The following RIMS2 variants were observed in gnomAD, a reference collection of about 807,000 sequenced individuals.
RIMS2 encodes the protein regulating synaptic membrane exocytosis 2.
Under a neutral mutation model 174.4 loss-of-function variants are expected in RIMS2, and 59 were observed. The ratio of observed to expected loss-of-function variants is 0.34; its 90% CI spans 0.27 to 0.42. RIMS2 has a LOEUF of 0.42. Among genes scored for constraint, RIMS2 ranks in the 10% least tolerant of loss-of-function variants. The probability of loss-of-function intolerance (pLI) is 1.00; values close to 1 mark genes in which losing one functional copy is unlikely to be tolerated. For synonymous variants in RIMS2, 606 were observed against 572.5 expected (o/e 1.06, Z -0.84); for missense variants, 1,620 against 1,666.3 (o/e 0.97, Z 0.48).
chr8:104,250,897 G>C, intron 22 of RIMS2, 127 bp from the exon 29 acceptor site: 1 of 771,318 alleles, frequency 1.3e-6, no homozygotes, highest in South Asian at 1.7e-5. Context: ...ACAGAATGCA[G>C]CTAGGCCAGT....
At chr8:103,854,169 T>A (rs1161177569) in intron 3 of RIMS2, among the ~76,000 whole-genome samples, 1 of 152,146 alleles carries the variant, frequency 6.6e-6, no homozygotes, top group Non-Finnish European at 1.5e-5. Context: ...GTTCTTGATT[T>A]GGCACTCAGC....
At chr8:103,578,189 G>C (rs1305752250) in intron 1 of RIMS2, among the ~76,000 whole-genome samples, 3 of 152,102 alleles carry the variant, frequency 2.0e-5, no homozygotes, top group Non-Finnish European at 4.4e-5. Flanking sequence ...AATTCTCAAA[G>C]GTCAAGGACA....
At position 104,047,741 on chromosome 8, in the gene RIMS2, C is replaced by T. The variant is rs143907773; in HGVS notation, c.3334+33126C>T. On this transcript the variant is annotated intron_variant, in intron 19 of 23. Coordinates refer to ENST00000504942, the Ensembl canonical transcript of RIMS2. ...TCTAGAATTAATTCTTTGTTATATG[C>T]ATTACAAATATACTAGTTTGTGACT... Among the ~76,000 whole-genome samples, 363 of 152,116 alleles carry T rather than the reference C, an allele frequency of 2.4e-3. 1 individual carries two copies. Among genetic ancestry groups the T allele is most frequent in the African/African-American group, 7.8e-3 (324 of 41,520 alleles).
intron 4 of RIMS2, among the ~76,000 whole-genome samples, chr8:103,898,434 C>G (rs1434019807): frequency 6.6e-6 from 1 of 151,652 alleles, no homozygotes; most frequent in Non-Finnish European, 1.5e-5. Flanking sequence ...GTCTGCATAT[C>G]ATGTACTTGG....
intron 17 of RIMS2, among the ~76,000 whole-genome samples, chr8:104,004,957 G>A (rs571316149): frequency 4.6e-5 from 7 of 152,284 alleles, no homozygotes; most frequent in South Asian, 2.1e-4. Context: ...GAATCTGAGC[G>A]CTGTATGGGA....
At chr8:103,868,029 T>C (rs1420192636) in intron 3 of RIMS2, among the ~76,000 whole-genome samples, 1 of 152,098 alleles carries the variant, frequency 6.6e-6, no homozygotes, top group African/African-American at 2.4e-5. Context: ...TTTGGCTTCA[T>C]TTGTTTATTC....
intron 19 of RIMS2, among the ~76,000 whole-genome samples, chr8:104,041,761 C>G (rs1380974886): frequency 6.6e-6 from 1 of 151,508 alleles, no homozygotes; most frequent in African/African-American, 2.4e-5. Context: ...ATGAGTTCAT[C>G]AGTGTTCTAC....
chr8:103,554,097 C>T (rs564231504), intron 1 of RIMS2, among the ~76,000 whole-genome samples: 1 of 152,060 alleles, frequency 6.6e-6, no homozygotes, highest in Non-Finnish European at 1.5e-5. Flanking sequence ...TCTAAATATC[C>T]TGAAGATAAC....
intron 19 of RIMS2, among the ~76,000 whole-genome samples, chr8:104,112,039 T>A (rs2098193875): frequency 6.6e-6 from 1 of 152,212 alleles, no homozygotes; most frequent in African/African-American, 2.4e-5. Context: ...TTCCCATATC[T>A]AATATTTCAA....
At position 103,668,774 on chromosome 8, in the gene RIMS2, G is replaced by A. The variant is rs75032246; in HGVS notation, c.177-28312G>A. 7.6e-3 allele frequency among the ~76,000 whole-genome samples: 1,156 copies of A among 151,920 alleles called. 9 individuals are homozygous for A. The highest frequency in any genetic ancestry group is 0.016 in the African/African-American group (653 of 41,404). On this transcript the variant is annotated intron_variant, in intron 1 of 23. Coordinates refer to ENST00000504942, the Ensembl canonical transcript of RIMS2. ...TAGCTCAGTGTAGCCTTGAACTCCC[G>A]GGCTCAAGCAATTCTCCCACCTAAG...
At position 103,708,376 on chromosome 8, in the gene RIMS2, C is replaced by T. The variant is rs79224063; in HGVS notation, c.387+11080C>T. The stretch of plus-strand genomic sequence containing the variant: ...TCTAAGCATATATTCTTTCCTCTGG[C>T]TGTGCTCTCTAGGGTTGGGTGAGGA... On this transcript the variant is annotated intron_variant, in intron 2 of 23. Coordinates refer to ENST00000504942, the Ensembl canonical transcript of RIMS2. Among the ~76,000 whole-genome samples, 938 of 152,318 alleles carry T rather than the reference C, an allele frequency of 6.2e-3. 12 individuals carry two copies. The highest frequency in any genetic ancestry group is 0.021 in the African/African-American group (889 of 41,572).
rs563399398 is a variant in RIMS2 at position 103,645,689 on chromosome 8, C to T, written c.177-51397C>T. Among the ~76,000 whole-genome samples the T allele has an allele frequency of 2.6e-5, 4 of 152,104 alleles. No individual in the cohort carries two copies. The South Asian group carries it at 8.3e-4, about 32-fold the overall frequency. On this transcript the variant is annotated intron_variant, in intron 1 of 23. Transcript: ENST00000504942. Reference sequence around the variant, plus strand: ...TATCCTTGTGCATGATTTTTCTCTGCCTTATAAATATCCAGTCTTATTTCA... The same window carrying T: ...TATCCTTGTGCATGATTTTTCTCTGTCTTATAAATATCCAGTCTTATTTCA...
At chr8:103,827,127 G>A (rs1298225689) in intron 3 of RIMS2, among the ~76,000 whole-genome samples, 1 of 151,876 alleles carries the variant, frequency 6.6e-6, no homozygotes, top group African/African-American at 2.4e-5. Context: ...CATTTATTTA[G>A]GTCTCCTTAA....
chr8:104,075,383 A>G (rs994167093), intron 19 of RIMS2, among the ~76,000 whole-genome samples: 3 of 152,234 alleles, frequency 2.0e-5, no homozygotes, highest in Non-Finnish European at 2.9e-5. Context: ...CTACTGTTTC[A>G]TGAACAGAAG....
intron 2 of RIMS2, among the ~76,000 whole-genome samples, chr8:103,758,679 T>G (rs554539518): frequency 9.8e-5 from 15 of 152,324 alleles, no homozygotes; most frequent in African/African-American, 2.6e-4. Context: ...CTTTTTTACT[T>G]TTATTTATTC....
chr8:103,636,673 G>A (rs2096081525), intron 1 of RIMS2, among the ~76,000 whole-genome samples: 1 of 152,028 alleles, frequency 6.6e-6, no homozygotes, highest in African/African-American at 2.4e-5. Context: ...TATCGTCGAA[G>A]GTGTTGCTAT....
intron 19 of RIMS2, among the ~76,000 whole-genome samples, chr8:104,140,476 T>C (rs951530914): frequency 2.0e-5 from 3 of 152,180 alleles, no homozygotes; most frequent in African/African-American, 7.2e-5. Flanking sequence ...TCTCATGTCT[T>C]ATTTATTGTT....
At chr8:104,119,338 C>T (rs572424273) in intron 19 of RIMS2, among the ~76,000 whole-genome samples, 6 of 151,648 alleles carry the variant, frequency 4.0e-5, no homozygotes, top group Non-Finnish European at 7.4e-5. Context: ...TCCAGTCTGG[C>T]AAGTGAGCAA....
chr8:103,574,080 T>A (rs1266890388), intron 1 of RIMS2, among the ~76,000 whole-genome samples: 1 of 152,198 alleles, frequency 6.6e-6, no homozygotes. Flanking sequence ...ATACTTTTTT[T>A]TTTTTTCCTA....
Sources: allele counts gnomAD v4.1 joint callset (sites outside exome capture counted in the v4.1 genomes callset), GRCh38; gene constraint gnomAD v4.1.1; transcripts MANE v1.5; gene names NCBI Gene and HGNC (gene_info 2026-07-23, HGNC 2026-07-21).